Variants in LHCGR observed in about 807,000 individuals in gnomAD.
The protein encoded by LHCGR is lutropin-choriogonadotropic hormone receptor.
In LHCGR, 55 loss-of-function variants were observed where a neutral mutation model predicts 60.7. The ratio of observed to expected loss-of-function variants is 0.91; its 90% CI spans 0.73 to 1.13. The LOEUF (loss-of-function observed/expected upper bound fraction) is 1.13. LHCGR is among the 50% of genes most tolerant of loss of function. The pLI is 0.00. For synonymous variants in LHCGR, 337 were observed against 316.5 expected (o/e 1.06, Z -0.69); for missense variants, 862 against 836.0 (o/e 1.03, Z -0.38).
At chr2:48,733,779 A>G (rs1014708864) in intron 1 of LHCGR, among the ~76,000 whole-genome samples, 16 of 151,964 alleles carry the variant, frequency 1.1e-4, no homozygotes, top group African/African-American at 1.5e-4. Context: ...TTTTTTCAGA[A>G]ATGTCACATC....
In LHCGR at chr2:48,688,538, G is replaced by A. The variant is rs181132146; in HGVS notation, c.1259C>T (p.Ser420Phe). Residue 420 changes from serine to phenylalanine, a missense_variant, in exon 11 of 11, where the codon TCC becomes TTC. Transcript: ENST00000294954. The surrounding 1 kb of genome is among the most constrained non-coding windows in gnomAD (Gnocchi z 5.2). The part of the protein sequence containing the change: ...LYLLLIASVD[S>F]QTKGQYYNHA... Reference sequence around the variant, plus strand: ...GTTATAGTACTGGCCCTTGGTTTGGGAATCAACTGAGGCTATGAGCAGCAG... The same window carrying A: ...GTTATAGTACTGGCCCTTGGTTTGGAAATCAACTGAGGCTATGAGCAGCAG... 3.0e-5 allele frequency: 49 copies of A among 1,614,140 alleles called. 2 individuals carry two copies. The Admixed American group carries it at 7.0e-4, about 23-fold the overall frequency.
intron 1 of LHCGR, among the ~76,000 whole-genome samples, chr2:48,748,330 C>G (rs1267776617): frequency 6.6e-6 from 1 of 152,098 alleles, no homozygotes; most frequent in East Asian, 1.9e-4. Flanking sequence ...TGTGTCCAGT[C>G]TGAGGCTTAG....
At chr2:48,698,550 G>A in intron 9 of LHCGR, 65 bp downstream of exon 9, 1 of 1,348,694 alleles carries the variant, frequency 7.4e-7, no homozygotes, top group Non-Finnish European at 1.1e-6. Flanking sequence ...TCTACTCATT[G>A]ACTATTTTGA....
intron 6 of LHCGR, among the ~76,000 whole-genome samples, chr2:48,719,360 C>A (rs1668403378): frequency 6.6e-6 from 1 of 152,154 alleles, no homozygotes; most frequent in Admixed American, 6.5e-5. Context: ...ACCCAGCAGT[C>A]TCTCTACTGT....
chr2:48,735,302 G>A (rs1174206385), intron 1 of LHCGR, among the ~76,000 whole-genome samples: 2 of 152,206 alleles, frequency 1.3e-5, no homozygotes, highest in African/African-American at 4.8e-5. Context: ...CATGACTCTG[G>A]CGAGGCTTGT....
chr2:48,715,998 C>T (rs1431404601), intron 6 of LHCGR, among the ~76,000 whole-genome samples: 3 of 152,104 alleles, frequency 2.0e-5, no homozygotes, highest in Non-Finnish European at 4.4e-5. Context: ...TCCATGGTTT[C>T]CCAGGCTCTC....
intron 1 of LHCGR, among the ~76,000 whole-genome samples, chr2:48,740,147 G>T (rs1391704569): frequency 6.6e-6 from 1 of 152,132 alleles, no homozygotes; most frequent in African/African-American, 2.4e-5. Context: ...CTTAAAAAAC[G>T]GTGCACGAGG....
intron 1 of LHCGR, among the ~76,000 whole-genome samples, chr2:48,752,342 A>G (rs1669992869): frequency 6.6e-6 from 1 of 152,148 alleles, no homozygotes; most frequent in Non-Finnish European, 1.5e-5. Flanking sequence ...ACCCCAAATG[A>G]CTAAAGCATA....
At chr2:48,689,995 G>A (rs1197104811) in intron 10 of LHCGR, among the ~76,000 whole-genome samples, 1 of 152,216 alleles carries the variant, frequency 6.6e-6, no homozygotes, top group Non-Finnish European at 1.5e-5. Context: ...TTACAGGCAT[G>A]AGCCACCACG....
chr2:48,711,667 G>C (rs895788015), intron 7 of LHCGR, among the ~76,000 whole-genome samples: 2 of 151,908 alleles, frequency 1.3e-5, no homozygotes, highest in Non-Finnish European at 2.9e-5. Context: ...TTTTTCTCCC[G>C]TCTGTTTTAT....
At chr2:48,731,816 C>G (rs775463937) in intron 1 of LHCGR, among the ~76,000 whole-genome samples, 2 of 152,126 alleles carry the variant, frequency 1.3e-5, no homozygotes, top group East Asian at 1.9e-4. Context: ...GAAAATACAA[C>G]TGGAAATCAT....
chr2:48,748,724 T>C (rs1451378008), intron 1 of LHCGR, among the ~76,000 whole-genome samples: 1 of 152,212 alleles, frequency 6.6e-6, no homozygotes, highest in Non-Finnish European at 1.5e-5. Context: ...TGTGAAAACT[T>C]TATTTCCATA....
intron 1 of LHCGR, among the ~76,000 whole-genome samples, chr2:48,732,278 A>T (rs1178650372): frequency 6.6e-6 from 1 of 152,206 alleles, no homozygotes; most frequent in Non-Finnish European, 1.5e-5. Flanking sequence ...AGGATATTTC[A>T]GGTGGGAAGT....
chr2:48,723,385 G>T (rs1405085756), intron 6 of LHCGR, 71 bp downstream of exon 6: 3 of 1,064,364 alleles, frequency 2.8e-6, no homozygotes, highest in East Asian at 2.4e-5. Context: ...ATGAGAAAAA[G>T]CTCACCCCAA....
At position 48,698,710 on chromosome 2, in the gene LHCGR, T is replaced by C. The variant is rs551191933; in HGVS notation, c.771A>G (p.Lys257=). ...RLIATSSYSL[K]KLPSRETFVN... is the part of the protein sequence containing the mutation. ...CAAATGTTTCTCTTGATGGCAATTT[T>C]TTTAGAGAATAGGATGACGTGGCAA... The change falls in exon 9 of 11, where the codon AAA becomes AAG. Residue 257 remains lysine (K), a synonymous_variant. Transcript: ENST00000294954. The C allele has an allele frequency of 4.3e-6, 7 of 1,614,168 alleles. No homozygotes were observed. In the Admixed American group the frequency reaches 1.2e-4, roughly 27 times the overall value.
In LHCGR at chr2:48,698,615, T is replaced by C. The variant is rs138280987; in HGVS notation, c.866A>G (p.Glu289Gly). ...GCTTTACCTTTTGGTTTCTACTTAC[T>C]CTTTTGTTGGCAAGTTTCTAAAAGC... Reference protein sequence around the residue: ...CCAFRNLPTKEQNFSHSISEN... With the variant: ...CCAFRNLPTKGQNFSHSISEN... The change falls in exon 9 of 11, where the codon GAA (glutamate) becomes GGA (glycine). Residue 289 changes from glutamate to glycine, a missense_variant and splice_region_variant. Physicochemically the swap from Glu to Gly is moderately conservative, Grantham distance 98. Coordinates refer to ENST00000294954, the MANE Select transcript of LHCGR (RefSeq NM_000233.4). The C allele has an allele frequency of 1.4e-5, 23 of 1,613,628 alleles. No homozygotes were observed. Among genetic ancestry groups the C allele is most frequent in the Non-Finnish European group, 1.9e-5 (23 of 1,179,700 alleles).
intron 1 of LHCGR, among the ~76,000 whole-genome samples, chr2:48,737,035 G>A (rs1310843274): frequency 6.6e-6 from 1 of 152,202 alleles, no homozygotes; most frequent in Non-Finnish European, 1.5e-5. Context: ...AGGCTGAGGA[G>A]GTGCAGAGGG....
intron 1 of LHCGR, among the ~76,000 whole-genome samples, chr2:48,744,030 A>C (rs1669590753): frequency 1.8e-5 from 2 of 109,442 alleles, no homozygotes; most frequent in Non-Finnish European, 3.6e-5. Flanking sequence ...AAAAATCACA[A>C]GCATTCTTAT....
At chr2:48,740,740 GA>G (rs1474528744) in intron 1 of LHCGR, among the ~76,000 whole-genome samples, 1 of 152,072 alleles carries the variant, frequency 6.6e-6, no homozygotes, top group Non-Finnish European at 1.5e-5. Flanking sequence ...CAAAGATGGG[GA>G]AAAAACAGAG....
Sources: allele counts gnomAD v4.1 joint callset (sites outside exome capture counted in the v4.1 genomes callset), GRCh38; gene constraint gnomAD v4.1.1; non-coding constraint Gnocchi (gnomAD v3.1); transcripts MANE v1.5; gene names NCBI Gene and HGNC (gene_info 2026-07-23, HGNC 2026-07-21).